KIF27: variants seen among roughly 807,000 people sequenced by gnomAD.
The protein encoded by KIF27 is kinesin-like protein KIF27.
KIF27 carries 84 observed loss-of-function variants against 141.8 expected under a neutral mutation model. The ratio of observed to expected loss-of-function variants is 0.59; its 90% CI spans 0.50 to 0.71. KIF27 has a LOEUF of 0.71. Among genes scored for constraint, KIF27 ranks in the 30% least tolerant of loss-of-function variants. The pLI is 0.00. For synonymous variants in KIF27, 471 were observed against 569.5 expected (o/e 0.83, Z 2.46); for missense variants, 1,306 against 1,628.4 (o/e 0.80, Z 3.41).
At chr9:83,910,530 T>C (rs1955039075) in intron 2 of KIF27, among the ~76,000 whole-genome samples, 1 of 152,166 alleles carries the variant, frequency 6.6e-6, no homozygotes, top group African/African-American at 2.4e-5. Context: ...GGTGAAAAGG[T>C]GCAAGGAGCT....
intron 5 of KIF27, among the ~76,000 whole-genome samples, chr9:83,894,887 AC>A (rs1361737395): frequency 6.6e-6 from 1 of 152,212 alleles, no homozygotes; most frequent in Non-Finnish European, 1.5e-5. Flanking sequence ...AACCCCCAAT[AC>A]AACAGTACAT....
intron 12 of KIF27, 63 bp from the exon 13 acceptor site, chr9:83,867,923 T>TA (rs1950502933): frequency 1.4e-6 from 2 of 1,438,922 alleles, no homozygotes; most frequent in African/African-American, 2.9e-5. Context: ...TATATGGTAA[T>TA]AATAGAATTT....
Position 83,908,455 on chromosome 9 carries a change from T to C in KIF27, c.496A>G (p.Thr166Ala), listed in dbSNP as rs200513825. ...LHIREDEKGN[T>A]VIVGAKECHV... is the part of the protein sequence containing the mutation. Reference sequence around the variant, plus strand: ...CTGATTAAGTGTGCTACTTTACCTGTGTTTCCTTTTTCATCTTCTCGGATG... The same window carrying C: ...CTGATTAAGTGTGCTACTTTACCTGCGTTTCCTTTTTCATCTTCTCGGATG... Residue 166 changes from threonine (T) to alanine (A), a missense_variant, in exon 3 of 18, where the codon ACA becomes GCA. By Grantham distance (58) the Thr-to-Ala change is moderately conservative (BLOSUM62 0). Transcript: ENST00000297814. The C allele has an allele frequency of 3.8e-6, 6 of 1,599,106 alleles. No individual in the cohort carries two copies. The South Asian group carries it at 6.8e-5, about 18-fold the overall frequency.
At position 83,899,647 on chromosome 9, in the gene KIF27, C is replaced by T; in HGVS notation, c.1602+14G>A. On this transcript the variant is annotated intron_variant, in intron 5 of 17. Coordinates refer to ENST00000297814, the MANE Select transcript of KIF27 (RefSeq NM_017576.4). ...TCAAGAAAATCTACAGAGCTAGATG[C>T]ATTAAGAAACTACCTGCAGTCTATT... 1 of 1,610,136 alleles carries T rather than the reference C, an allele frequency of 6.2e-7. No individual in the cohort carries two copies. The highest frequency in any genetic ancestry group is 8.5e-7 in the Non-Finnish European group (1 of 1,176,944).
Position 83,915,682 on chromosome 9 carries a change from T to C in KIF27, c.-87-4A>G. 1 of 1,322,522 alleles carries C rather than the reference T, an allele frequency of 7.6e-7. No homozygotes were observed. The highest frequency in any genetic ancestry group is 1.0e-6 in the Non-Finnish European group (1 of 973,012). The allele number at this position is 1,322,522 out of a possible 1,614,324, so 81.9% of individuals were successfully genotyped here. A position where few individuals can be genotyped will look rare whatever the true frequency, so the allele number is the denominator to read the frequency against. ...ATCTTATGTAAGATCTGGATTCCTG[T>C]GCAACAAAAATAAAAAGCAAATTTT... is the stretch of plus-strand genomic sequence containing the variant. On this transcript the variant is annotated splice_region_variant and splice_polypyrimidine_tract_variant and intron_variant, in intron 1 of 17. Transcript: ENST00000297814.
At chr9:83,857,313 A>G (rs991003856) in intron 14 of KIF27, among the ~76,000 whole-genome samples, 2 of 152,210 alleles carry the variant, frequency 1.3e-5, no homozygotes, top group African/African-American at 4.8e-5. Flanking sequence ...TCAGAATCTC[A>G]TGTTCTCGAT....
At position 83,908,495 on chromosome 9, in the gene KIF27, G is replaced by A; in HGVS notation, c.456C>T (p.Ser152=). The A allele has an allele frequency of 1.2e-6, 2 of 1,612,044 alleles. No individual in the cohort carries two copies. The highest frequency in any genetic ancestry group is 1.1e-5 in the South Asian group (1 of 90,696). Residue 152 remains serine (S), a synonymous_variant, in exon 3 of 18, where the codon TCC becomes TCT. Transcript: ENST00000297814. ...DLRDLLELET[S]MKDLHIREDE... The stretch of plus-strand genomic sequence containing the variant: ...CTTCTCGGATGTGAAGATCCTTCAT[G>A]GATGTCTCCAATTCTAGAAGATCTC...
intron 1 of KIF27, among the ~76,000 whole-genome samples, chr9:83,916,812 C>T (rs1337583796): frequency 2.6e-5 from 4 of 151,996 alleles, no homozygotes; most frequent in Non-Finnish European, 4.4e-5. Context: ...TACAGGCACC[C>T]GCCACTATGC....
At chr9:83,842,467 T>C (rs951854745) in intron 16 of KIF27, 66 bp from the exon 17 acceptor site, 1 of 1,448,680 alleles carries the variant, frequency 6.9e-7, no homozygotes, top group Non-Finnish European at 9.0e-7. Context: ...TGTTTTTGTT[T>C]GTTTGTTTTT....
At chr9:83,879,409 T>C (rs941010926) in intron 11 of KIF27, among the ~76,000 whole-genome samples, 8 of 151,226 alleles carry the variant, frequency 5.3e-5, no homozygotes, top group African/African-American at 1.7e-4. Context: ...AGGCTAAACA[T>C]GTGCAGGGAC....
At chr9:83,851,816 G>A (rs1948615358) in intron 15 of KIF27, among the ~76,000 whole-genome samples, 1 of 152,162 alleles carries the variant, frequency 6.6e-6, no homozygotes, top group African/African-American at 2.4e-5. Flanking sequence ...ACTGACCTTA[G>A]CCAGGTTGCC....
At position 83,845,464 on chromosome 9, in the gene KIF27, C is replaced by T. The variant is rs1169814335; in HGVS notation, c.3557-3063G>A. 2.6e-5 allele frequency among the ~76,000 whole-genome samples: 4 copies of T among 152,166 alleles called. 1 individual carries two copies. The South Asian group carries it at 6.2e-4, about 24-fold the overall frequency. On this transcript the variant is annotated intron_variant, in intron 16 of 17. Coordinates refer to ENST00000297814, the MANE Select transcript of KIF27 (RefSeq NM_017576.4). ...GGCACAAATGCCCATGGTCTCCACT[C>T]GCCACCCTGCCTTCTCTCCTCCAGC...
chr9:83,899,557 G>T (rs1374427288), intron 5 of KIF27, 104 bp downstream of exon 5: 90 of 857,512 alleles, frequency 1.0e-4, no homozygotes, highest in Non-Finnish European at 6.8e-5. Context: ...CTCTTCAAAT[G>T]AACATCCTTT....
At chr9:83,883,703 G>T in intron 10 of KIF27, 110 bp downstream of exon 10, 1 of 684,132 alleles carries the variant, frequency 1.5e-6, no homozygotes, top group Non-Finnish European at 2.5e-6. Flanking sequence ...TTGATACCCA[G>T]TTTCTCTTGC....
chr9:83,907,069 T>C (rs1954625568), intron 3 of KIF27, among the ~76,000 whole-genome samples: 1 of 151,808 alleles, frequency 6.6e-6, no homozygotes, highest in African/African-American at 2.4e-5. Context: ...GGTGGGAGGA[T>C]CACGAGGTCA....
chr9:83,873,580 G>A (rs549762338), intron 11 of KIF27, among the ~76,000 whole-genome samples: 4 of 152,256 alleles, frequency 2.6e-5, no homozygotes, highest in South Asian at 4.1e-4. Context: ...TCTGAGTTAT[G>A]AGTGAATTTG....
intron 17 of KIF27, among the ~76,000 whole-genome samples, chr9:83,839,486 G>A (rs1351176209): frequency 2.0e-5 from 3 of 152,146 alleles, no homozygotes; most frequent in Non-Finnish European, 4.4e-5. Flanking sequence ...TAGAGAGAAT[G>A]TAGGTTCATA....
chr9:83,865,587 G>A (rs531612046), intron 13 of KIF27, among the ~76,000 whole-genome samples: 6 of 152,048 alleles, frequency 3.9e-5, no homozygotes, highest in Admixed American at 6.6e-5. Flanking sequence ...GTGAGCCACC[G>A]CGCCCTGCCT....
intron 8 of KIF27, among the ~76,000 whole-genome samples, chr9:83,888,258 T>C (rs1362155307): frequency 6.6e-6 from 1 of 151,434 alleles, no homozygotes; most frequent in African/African-American, 2.4e-5. Flanking sequence ...CTGAGGGAGT[T>C]AGCCTATATC....
Sources: allele counts gnomAD v4.1 joint callset (sites outside exome capture counted in the v4.1 genomes callset), GRCh38; gene constraint gnomAD v4.1.1; transcripts MANE v1.5; gene names NCBI Gene and HGNC (gene_info 2026-07-23, HGNC 2026-07-21).